The following RFC1 variants were observed in gnomAD, a reference collection of about 807,000 sequenced individuals.
RFC1 encodes the protein replication factor C subunit 1.
In RFC1, 37 loss-of-function variants were observed where a neutral mutation model predicts 137.4. The ratio of observed to expected loss-of-function variants is 0.27; its 90% confidence interval spans 0.21 to 0.35. The LOEUF (loss-of-function observed/expected upper bound fraction) is 0.35. Ranked by LOEUF, RFC1 falls within the 10% of genes least tolerant of loss-of-function variation. The pLI, the probability that RFC1 is intolerant of heterozygous loss-of-function variation, is 1.00. For synonymous variants in RFC1, 429 were observed against 455.7 expected (o/e 0.94, Z 0.75); for missense variants, 1,205 against 1,358.5 (o/e 0.89, Z 1.78).
At chr4:39,328,397 C>T (rs1050331434) in intron 4 of RFC1, among the ~76,000 whole-genome samples, 5 of 152,138 alleles carry the variant, frequency 3.3e-5, no homozygotes, top group African/African-American at 1.2e-4. Flanking sequence ...AACAAATATA[C>T]ACTGTCAAGT....
rs1737583072 is a variant in RFC1 at position 39,290,031 on chromosome 4, T to C, written c.3177A>G (p.Ala1059=). The change falls in exon 24 of 25, where the codon GCA becomes GCG. Residue 1059 remains alanine (A), a synonymous_variant. Coordinates refer to ENST00000349703, the MANE Select transcript of RFC1 (RefSeq NM_002913.5). ...CCTTATTGTAAGCTCTTGTGAAGGCTGCTTTCACCTATATGAAAGGAGTAG... is the reference window on the plus strand; with the variant it reads ...CCTTATTGTAAGCTCTTGTGAAGGCCGCTTTCACCTATATGAAAGGAGTAG... ...PFSKLDPKVK[A]AFTRAYNKEA... The C allele has an allele frequency of 6.2e-7, 1 of 1,609,102 alleles. No homozygotes were observed. Among genetic ancestry groups the C allele is most frequent in the African/African-American group, 1.3e-5 (1 of 74,660 alleles).
Position 39,320,685 on chromosome 4 carries a change from A to C in RFC1, c.809-16T>G, listed in dbSNP as rs373803187. The C allele has an allele frequency of 4.8e-5, 74 of 1,552,344 alleles. No individual in the cohort carries two copies. The African/African-American group carries it at 1.0e-3, about 21-fold the overall frequency. On this transcript the variant is annotated splice_polypyrimidine_tract_variant and intron_variant, in intron 8 of 24. Coordinates refer to ENST00000349703, the MANE Select transcript of RFC1 (RefSeq NM_002913.5). ...GCTGTTTTTACTAGGAAGAAAGAAA[A>C]GATTATGGTTGTTGTTTTTGGAAAA...
Position 39,321,429 on chromosome 4 carries a change from T to A in RFC1, c.721-55A>T. On this transcript the variant is annotated intron_variant, in intron 7 of 24. Transcript: ENST00000349703. ...ACAAATAATAGAAAAACTATTACCA[T>A]AAAATCTGTTGTTAAAATCCATCAA... The A allele has an allele frequency of 2.7e-6, 4 of 1,506,130 alleles. No homozygotes were observed. The South Asian group carries it at 4.7e-5, about 18-fold the overall frequency. The allele number at this position is 1,506,130 out of a possible 1,614,324, so 93.3% of individuals were successfully genotyped here. A position where few individuals can be genotyped will look rare whatever the true frequency, so the allele number is the denominator to read the frequency against.
At chr4:39,311,353 C>A (rs1196868997) in intron 12 of RFC1, 92 bp downstream of exon 12, 1 of 992,666 alleles carries the variant, frequency 1.0e-6, no homozygotes, top group Non-Finnish European at 1.5e-6. Flanking sequence ...GTTAATCTTT[C>A]AGCCAACAAG....
rs1314858321 is a variant in RFC1, at chr4:39,312,777, T to A, written c.1358A>T (p.Asp453Val). 6.2e-7 allele frequency: 1 copy of A among 1,614,142 alleles called. No individual in the cohort carries two copies. Among genetic ancestry groups the A allele is most frequent in the Non-Finnish European group, 8.5e-7 (1 of 1,180,018 alleles). ...KKTNYLVMGR[D>V]SGQSKSDKAA... ...CTTATCACTCTTGGACTGTCCACTA[T>A]CACGACCCATGACAAGATAATTTGT... is the stretch of plus-strand genomic sequence containing the variant. Residue 453 changes from aspartate to valine, a missense_variant, in exon 11 of 25, where the codon GAT (aspartate) becomes GTT (valine). Physicochemically the swap from Asp to Val is radical, Grantham distance 152. Coordinates refer to ENST00000349703, the MANE Select transcript of RFC1 (RefSeq NM_002913.5).
At position 39,290,019 on chromosome 4, in the gene RFC1, T is replaced by C; in HGVS notation, c.3189A>G (p.Arg1063=). Residue 1063 remains arginine (R), a synonymous_variant, in exon 24 of 25, where the codon AGA becomes AGG. Transcript: ENST00000349703. The part of the protein sequence containing the change: ...LDPKVKAAFT[R]AYNKEAHLTP... ...TAAGGTGGGCTTCCTTATTGTAAGC[T>C]CTTGTGAAGGCTGCTTTCACCTATA... The C allele has an allele frequency of 6.2e-7, 1 of 1,613,088 alleles. No homozygotes were observed. The highest frequency in any genetic ancestry group is 8.5e-7 in the Non-Finnish European group (1 of 1,179,396).
At chr4:39,307,878 A>G (rs1738762409) in intron 13 of RFC1, among the ~76,000 whole-genome samples, 1 of 152,254 alleles carries the variant, frequency 6.6e-6, no homozygotes, top group Non-Finnish European at 1.5e-5. Context: ...ATAAATAAAC[A>G]GGCATCATTG....
chr4:39,309,043 G>A lies in RFC1; in HGVS notation c.1489-11C>T. On this transcript the variant is annotated splice_polypyrimidine_tract_variant and intron_variant, in intron 12 of 24. Transcript: ENST00000349703. ...GGACTCTTTCTTCATCTTAAGAAGTGGAAAAATGAGGAAAAAAGAAACCTG... is the reference window on the plus strand; with the variant it reads ...GGACTCTTTCTTCATCTTAAGAAGTAGAAAAATGAGGAAAAAAGAAACCTG... The A allele has an allele frequency of 6.4e-7, 1 of 1,569,826 alleles. No individual in the cohort carries two copies. The highest frequency in any genetic ancestry group is 1.4e-5 in the African/African-American group (1 of 72,394).
At chr4:39,352,490 T>C (rs763965864) in intron 1 of RFC1, among the ~76,000 whole-genome samples, 1 of 152,234 alleles carries the variant, frequency 6.6e-6, no homozygotes, top group African/African-American at 2.4e-5. Context: ...AACTGTGGTA[T>C]AGAGGAAAGG....
intron 2 of RFC1, among the ~76,000 whole-genome samples, chr4:39,349,238 G>A (rs1208870365): frequency 6.6e-6 from 1 of 152,188 alleles, no homozygotes; most frequent in Non-Finnish European, 1.5e-5. Flanking sequence ...CATAAATTCT[G>A]GGTGGCCATG....
intron 21 of RFC1, among the ~76,000 whole-genome samples, chr4:39,299,610 C>CAAAAAAAAAA (rs970461214): frequency 2.5e-5 from 1 of 40,464 alleles, no homozygotes; most frequent in African/African-American, 9.1e-5. Flanking sequence ...AACACTGTCT[C>CAAAAAAAAAA]AAAAAAAAAA....
intron 4 of RFC1, among the ~76,000 whole-genome samples, chr4:39,337,804 C>A (rs1740432243): frequency 3.3e-5 from 5 of 152,152 alleles, no homozygotes; most frequent in Admixed American, 3.3e-4. Flanking sequence ...AGTCACAAGT[C>A]ACTCTTATTA....
intron 5 of RFC1, 63 bp from the exon 6 acceptor site, chr4:39,326,703 T>C: frequency 7.9e-7 from 1 of 1,266,058 alleles, no homozygotes; most frequent in Non-Finnish European, 1.1e-6. Flanking sequence ...AAGGCACTTT[T>C]TCTTGACTGT....
chr4:39,325,199 A>G (rs1283991325), intron 6 of RFC1, among the ~76,000 whole-genome samples: 1 of 152,190 alleles, frequency 6.6e-6, no homozygotes, highest in Non-Finnish European at 1.5e-5. Context: ...TCTTCAGTTT[A>G]GACTTCTCCC....
chr4:39,298,048 C>A (rs1479809961), intron 21 of RFC1, among the ~76,000 whole-genome samples: 1 of 152,204 alleles, frequency 6.6e-6, no homozygotes, highest in Non-Finnish European at 1.5e-5. Flanking sequence ...GGTGCAGTGG[C>A]TCATGCCAGT....
At chr4:39,301,584 T>C (rs934387656) in intron 19 of RFC1, among the ~76,000 whole-genome samples, 4 of 152,096 alleles carry the variant, frequency 2.6e-5, no homozygotes, top group African/African-American at 9.7e-5. Context: ...TTTTAATCCA[T>C]AGGCCAGGCA....
At chr4:39,303,183 C>T (rs566692817) in intron 15 of RFC1, 32 bp from the exon 16 acceptor site, 53 of 1,438,834 alleles carry the variant, frequency 3.7e-5, no homozygotes, top group Middle Eastern at 1.8e-4. Context: ...TGGGATGAGA[C>T]AAAAACAAAA....
In RFC1 at chr4:39,326,643, A is replaced by G. The variant is rs201739847; in HGVS notation, c.565-3T>C. The G allele has an allele frequency of 1.2e-6, 2 of 1,609,350 alleles. No homozygotes were observed. Among genetic ancestry groups the G allele is most frequent in the Admixed American group, 1.7e-5 (1 of 59,758 alleles). On this transcript the variant is annotated splice_region_variant and splice_polypyrimidine_tract_variant and intron_variant, in intron 5 of 24. Transcript: ENST00000349703. ...GACTCATCTGTATTTTGTGAAAGCT[A>G]TATTTCAAAGAAAATCAAGCAAAAT...
intron 9 of RFC1, among the ~76,000 whole-genome samples, chr4:39,318,440 T>C (rs924696284): frequency 6.6e-6 from 1 of 152,188 alleles, no homozygotes; most frequent in African/African-American, 2.4e-5. Flanking sequence ...TGAAAAGAAT[T>C]CTGAATGGTA....
Sources: gnomAD v4.1 joint callset for allele counts (sites outside exome capture counted in the v4.1 genomes callset) on GRCh38, gnomAD v4.1.1 for gene constraint, MANE v1.5 for transcripts, NCBI Gene and HGNC (gene_info 2026-07-23, HGNC 2026-07-21) for gene names.